Variants in DUS3L observed in about 807,000 individuals in gnomAD.
DUS3L encodes dihydrouridine synthase 3 like, also known as tRNA-dihydrouridine(47) synthase [NAD(P)(+)]-like.
In DUS3L, 62 loss-of-function variants were observed where a neutral mutation model predicts 74.6. The observed-to-expected ratio is 0.83, with a 90% CI of 0.68 to 1.03. The LOEUF (loss-of-function observed/expected upper bound fraction) is 1.03, where lower values mean the gene tolerates loss of function less well. Ranked by LOEUF, DUS3L falls within the 50% of genes least tolerant of loss-of-function variation. The pLI is 0.00. For missense variants in DUS3L, 884 were observed against 924.4 expected, an observed-to-expected ratio of 0.96 and a Z score of 0.57; for synonymous variants, 433 against 395.7, an observed-to-expected ratio of 1.09 and a Z score of -1.12.
Position 5,787,564 on chromosome 19 carries a change from C to T in DUS3L, c.1212+25G>A, listed in dbSNP as rs372038638. ...TGCCTCCCTGCCCAGATGGGGAAAC[C>T]GAGGCACACGTCCAGGGCCGCTACC... On this transcript the variant is annotated intron_variant, in intron 6 of 12. Transcript: ENST00000309061. 2.4e-5 allele frequency: 38 copies of T among 1,608,572 alleles called. No individual in the cohort carries two copies. In the African/African-American group the frequency reaches 3.5e-4, roughly 15 times the overall value.
chr19:5,786,718 G>A lies in DUS3L; in HGVS notation c.1486+31C>T, dbSNP rs373160477. The A allele has an allele frequency of 5.6e-6, 9 of 1,605,210 alleles. No individual in the cohort carries two copies. The African/African-American group carries it at 6.7e-5, about 12-fold the overall frequency. ...GGTGTGAGTGACCAAGGGTGGTAGGGGAGAGGGAGGTGGCTTCCCGGAACA... is the reference window on the plus strand; with the variant it reads ...GGTGTGAGTGACCAAGGGTGGTAGGAGAGAGGGAGGTGGCTTCCCGGAACA... On this transcript the variant is annotated intron_variant, in intron 9 of 12. Transcript: ENST00000309061.
chr19:5,788,032 C>T lies in DUS3L; in HGVS notation c.1087G>A (p.Gly363Ser), dbSNP rs2056871410. ...TCGGGGTGGGCACTGACCTGGACGC[C>T]AAAGATGTCCTCACACTGGTGGCGT... ...LKRHQCEDIF[G>S]VQLEGAFPDT... The change falls in exon 5 of 13, where the codon GGC becomes AGC. Residue 363 changes from glycine (G) to serine (S), a missense_variant. Physicochemically the swap from Gly to Ser is moderately conservative, Grantham distance 56. Transcript: ENST00000309061. 1.2e-6 allele frequency: 2 copies of T among 1,613,090 alleles called. No individual in the cohort carries two copies. The highest frequency in any genetic ancestry group is 1.3e-5 in the African/African-American group (1 of 74,938).
At chr19:5,787,855 C>A in intron 5 of DUS3L, 150 bp from the exon 6 acceptor site, 2 of 1,427,442 alleles carry the variant, frequency 1.4e-6, no homozygotes, top group Admixed American at 1.9e-5. Flanking sequence ...TGCGAGGCAC[C>A]GGTCCCCGGC....
At chr19:5,787,212 G>T in intron 7 of DUS3L, 41 bp from the exon 8 acceptor site, 1 of 880,654 alleles carries the variant, frequency 1.1e-6, no homozygotes, top group Non-Finnish European at 1.8e-6. Context: ...ATGGTGGGAG[G>T]TGGTGGGAGA....
At position 5,789,578 on chromosome 19, in the gene DUS3L, A is replaced by T; in HGVS notation, c.529T>A (p.Cys177Ser). ...CTCAGGTGGGCCCCAGCGAAGCGGC[A>T]GGTCACGCCGTAGGGGCACCGGCCG... ...TFGRCPYGVT[C>S]RFAGAHLRPE... The change falls in exon 3 of 13, where the codon TGC becomes AGC. Residue 177 changes from cysteine to serine, a missense_variant. Transcript: ENST00000309061. The T allele has an allele frequency of 6.3e-7, 1 of 1,588,838 alleles. No homozygotes were observed. Among genetic ancestry groups the T allele is most frequent in the South Asian group, 1.1e-5 (1 of 88,046 alleles).
rs2056853313 is a variant in DUS3L at position 5,787,186 on chromosome 19, T to TGAGAGGTGGTGGGAGACGGC, written c.1279-16_1279-15insGCCGTCTCCCACCACCTCTC. On this transcript the variant is annotated splice_polypyrimidine_tract_variant and intron_variant, in intron 7 of 12. Coordinates refer to ENST00000309061, the MANE Select transcript of DUS3L (RefSeq NM_020175.3). ...ACATCCAGCACCTACAGGACGGTGG[T>TGAGAGGTGGTGGGAGACGGC]GGGAGGTGGTGGGAGATGGTGGGAG... 12 of 1,206,992 alleles carry TGAGAGGTGGTGGGAGACGGC rather than the reference T, an allele frequency of 9.9e-6. No homozygotes were observed. Among genetic ancestry groups the TGAGAGGTGGTGGGAGACGGC allele is most frequent in the African/African-American group, 3.7e-5 (2 of 54,262 alleles). 74.8% of individuals were successfully genotyped at this position (1,206,992 alleles called of 1,614,324 possible). A position where few individuals can be genotyped will look rare whatever the true frequency, so the allele number is the denominator to read the frequency against.
chr19:5,785,833 G>C, intron 10 of DUS3L, 42 bp from the exon 11 acceptor site: 2 of 1,515,896 alleles, frequency 1.3e-6, no homozygotes, highest in Non-Finnish European at 1.8e-6. Flanking sequence ...CCACCAGCCT[G>C]CCTGGGATCG....
At position 5,789,731 on chromosome 19, in the gene DUS3L, C is replaced by T; in HGVS notation, c.388-12G>A. 6.3e-7 allele frequency: 1 copy of T among 1,589,736 alleles called. No homozygotes were observed. Among genetic ancestry groups the T allele is most frequent in the East Asian group, 2.3e-5 (1 of 43,968 alleles). ...TTAGCAGCCGACTCCTGCGAGGAAA[C>T]AGGGAAGCAGTGAGGGAGGACAGGG... is the stretch of plus-strand genomic sequence containing the variant. On this transcript the variant is annotated splice_polypyrimidine_tract_variant and intron_variant, in intron 2 of 12. Coordinates refer to ENST00000309061, the MANE Select transcript of DUS3L (RefSeq NM_020175.3).
chr19:5,790,664 C>T lies in DUS3L; in HGVS notation c.99-329G>A, dbSNP rs2056900901. On this transcript the variant is annotated intron_variant, in intron 1 of 12. Transcript: ENST00000309061. ...CCACATTTCCCAGCACGCCTTTCGG[C>T]CCTTCAAACACCGCAGGCCCCAGCA... Among the ~76,000 whole-genome samples, 3 of 152,166 alleles carry T rather than the reference C, an allele frequency of 2.0e-5. No homozygotes were observed. The South Asian group carries it at 6.2e-4, about 32-fold the overall frequency.
chr19:5,789,662 G>A lies in DUS3L; in HGVS notation c.445C>T (p.Arg149Cys), dbSNP rs762685545. ...TCGGCCGGCTTGGTCTCCAGGTAGCGCCCCACGTCGTGCAGAAAGCGGCAG... is the reference window on the plus strand; with the variant it reads ...TCGGCCGGCTTGGTCTCCAGGTAGCACCCCACGTCGTGCAGAAAGCGGCAG... The part of the protein sequence containing the change: ...DRCRFLHDVG[R>C]YLETKPADLG... Residue 149 changes from arginine (R) to cysteine (C), a missense_variant, in exon 3 of 13, where the codon CGC becomes TGC. Arg to Cys is a radical substitution (Grantham distance 180). Coordinates refer to ENST00000309061, the MANE Select transcript of DUS3L (RefSeq NM_020175.3). 2.9e-5 allele frequency: 47 copies of A among 1,609,270 alleles called. No homozygotes were observed. The highest frequency in any genetic ancestry group is 3.8e-5 in the Non-Finnish European group (45 of 1,178,700).
intron 3 of DUS3L, 181 bp downstream of exon 3, chr19:5,789,026 C>T (rs2144735911): frequency 1.2e-6 from 1 of 800,392 alleles, no homozygotes; most frequent in Non-Finnish European, 1.7e-6. Context: ...TCTTTCTGTC[C>T]CCACCTCCTG....
chr19:5,786,985 G>A (rs2056849701), intron 8 of DUS3L, 76 bp downstream of exon 8: 2 of 1,487,830 alleles, frequency 1.3e-6, no homozygotes, highest in Non-Finnish European at 1.8e-6. Context: ...AGGGAGGGAT[G>A]GGAGGAGAGG....
chr19:5,787,066 C>T lies in DUS3L; in HGVS notation c.1384G>A (p.Val462Ile), dbSNP rs1298566694. ...CGAGGCGTCCCAAGACCCACCGTGACGAGTGCCACGCCCCAGTCCCGCAGC... is the reference window on the plus strand; with the variant it reads ...CGAGGCGTCCCAAGACCCACCGTGATGAGTGCCACGCCCCAGTCCCGCAGC... Reference protein sequence around the residue: ...PELRDWGVALVTLHGRSREQR... With the variant: ...PELRDWGVALITLHGRSREQR... The change falls in exon 8 of 13, where the codon GTC becomes ATC. Residue 462 changes from valine (V) to isoleucine (I), a missense_variant. Val to Ile is a conservative substitution (Grantham distance 29, BLOSUM62 3). Transcript: ENST00000309061. 7.8e-6 allele frequency: 12 copies of T among 1,547,534 alleles called. No homozygotes were observed. Among genetic ancestry groups the T allele is most frequent in the South Asian group, 3.5e-5 (3 of 84,694 alleles).
rs2056864014 is a variant in DUS3L, at chr19:5,787,362, C to A, written c.1213-1G>T. On this transcript the variant is annotated splice_acceptor_variant, in intron 6 of 12. Transcript: ENST00000309061. LOFTEE classifies it high-confidence loss of function. Reference sequence around the variant, plus strand: ...GATTCATGAGGGCACAGCCCCCACCCTGGAAGAGACAGGCGGGTGGAGGGA... The same window carrying A: ...GATTCATGAGGGCACAGCCCCCACCATGGAAGAGACAGGCGGGTGGAGGGA... The A allele has an allele frequency of 3.7e-6, 6 of 1,612,998 alleles. No homozygotes were observed. In the East Asian group the frequency reaches 1.3e-4, roughly 36 times the overall value.
At position 5,789,214 on chromosome 19, in the gene DUS3L, T is replaced by C; in HGVS notation, c.893A>G (p.Lys298Arg). ...GTTGTCCTCAACACGTACCCGCTTCTTCTCACAGGGCCGCAGCCTGACCAC... is the reference window on the plus strand; with the variant it reads ...GTTGTCCTCAACACGTACCCGCTTCCTCTCACAGGGCCGCAGCCTGACCAC... Reference protein sequence around the residue: ...EDVVRLRPCEKKRLDIRGKLY... With the variant: ...EDVVRLRPCERKRLDIRGKLY... Residue 298 changes from lysine to arginine, a missense_variant, in exon 3 of 13, where the codon AAG becomes AGG. Lys to Arg is a conservative substitution (Grantham distance 26, BLOSUM62 2). Transcript: ENST00000309061. The C allele has an allele frequency of 1.3e-6, 2 of 1,535,084 alleles. No homozygotes were observed. The highest frequency in any genetic ancestry group is 1.7e-6 in the Non-Finnish European group (2 of 1,144,546).
At chr19:5,788,675 G>A (rs528898999) in intron 3 of DUS3L, among the ~76,000 whole-genome samples, 1 of 149,564 alleles carries the variant, frequency 6.7e-6, no homozygotes, top group East Asian at 2.0e-4. Context: ...GCCCGACCCT[G>A]ACCCTCTGAG....
intron 4 of DUS3L, 41 bp from the exon 5 acceptor site, chr19:5,788,217 G>GCACA (rs113274115): frequency 5.2e-5 from 79 of 1,505,638 alleles, no homozygotes; most frequent in South Asian, 3.5e-4. Flanking sequence ...TCTTGCACGC[G>GCACA]CACACACACA....
intron 1 of DUS3L, 175 bp downstream of exon 1, chr19:5,790,869 T>G (rs2056903730): frequency 1.5e-6 from 1 of 648,518 alleles, no homozygotes; most frequent in African/African-American, 1.8e-5. Context: ...GGCCCCAACG[T>G]GCACGATCTC....
In DUS3L at chr19:5,788,442, C is replaced by G. The variant is rs2056876858; in HGVS notation, c.901-44G>C. 27 of 1,591,100 alleles carry G rather than the reference C, an allele frequency of 1.7e-5. No homozygotes were observed. In the East Asian group the frequency reaches 3.7e-4, roughly 22 times the overall value. On this transcript the variant is annotated intron_variant, in intron 3 of 12. Transcript: ENST00000309061. Reference sequence around the variant, plus strand: ...ACACAAGTGGAGCTTGGCCTCCACCCCAGCTGCTGAGGCCCTGGAGCCTCC... The same window carrying G: ...ACACAAGTGGAGCTTGGCCTCCACCGCAGCTGCTGAGGCCCTGGAGCCTCC...
Sources: gnomAD v4.1 joint callset for allele counts (sites outside exome capture counted in the v4.1 genomes callset) on GRCh38, gnomAD v4.1.1 for gene constraint, MANE v1.5 for transcripts, NCBI Gene and HGNC (gene_info 2026-07-23, HGNC 2026-07-21) for gene names.